The following DNAH9 variants were observed in gnomAD, a reference collection of about 807,000 sequenced individuals.
The protein encoded by DNAH9 is dynein axonemal heavy chain 9, also known as DNAH9 variant protein.
Under a neutral mutation model 471.6 loss-of-function variants are expected in DNAH9, and 345 were observed. The observed-to-expected ratio is 0.73, with a 90% CI of 0.67 to 0.80. The LOEUF (loss-of-function observed/expected upper bound fraction) is 0.80, where lower values mean the gene tolerates loss of function less well. DNAH9 is among the 30% of genes least tolerant of loss of function. The probability of loss-of-function intolerance (pLI) is 0.00; values close to 1 mark genes in which losing one functional copy is unlikely to be tolerated. For synonymous variants in DNAH9, 2,093 were observed against 2,123.6 expected (o/e 0.99, Z 0.40); for missense variants, 5,407 against 5,609.2 (o/e 0.96, Z 1.15).
chr17:11,609,831 G>A (rs1045373359), intron 2 of DNAH9, among the ~76,000 whole-genome samples: 3 of 152,196 alleles, frequency 2.0e-5, no homozygotes, highest in African/African-American at 7.2e-5. Context: ...GTGATCTTCA[G>A]GTGGCTGATT....
In DNAH9 at chr17:11,623,656, T is replaced by C. The variant is rs1327245237; in HGVS notation, c.1350+3875T>C. ...GTGTATCTCTGTGATCGATGCCTGA[T>C]TGAAATGGGATTAATCTGCTCCTCT... On this transcript the variant is annotated intron_variant, in intron 6 of 68. Coordinates refer to ENST00000262442, the MANE Select transcript of DNAH9 (RefSeq NM_001372.4). The surrounding 1 kb of genome is among the most constrained non-coding windows in gnomAD (Gnocchi z 4.1). 6.6e-6 allele frequency among the ~76,000 whole-genome samples: 1 copy of C among 152,184 alleles called. No homozygotes were observed. Among genetic ancestry groups the C allele is most frequent in the Non-Finnish European group, 1.5e-5 (1 of 68,032 alleles).
At chr17:11,945,049 C>A (rs1241563749) in intron 67 of DNAH9, among the ~76,000 whole-genome samples, 1 of 152,148 alleles carries the variant, frequency 6.6e-6, no homozygotes, top group South Asian at 2.1e-4. Context: ...GCAGAGTGGT[C>A]TGGCCTGTGA....
chr17:11,897,230 T>C (rs1164485606), intron 59 of DNAH9, among the ~76,000 whole-genome samples: 1 of 152,246 alleles, frequency 6.6e-6, no homozygotes, highest in East Asian at 1.9e-4. Flanking sequence ...CTGGTGAATA[T>C]TTTTTAAACT....
At chr17:11,720,402 C>T (rs555809051) in intron 27 of DNAH9, among the ~76,000 whole-genome samples, 2 of 152,038 alleles carry the variant, frequency 1.3e-5, no homozygotes, top group Non-Finnish European at 2.9e-5. Flanking sequence ...TCCCCGCTTC[C>T]CCCACCCCAC....
chr17:11,770,812 T>C (rs1968177332), intron 38 of DNAH9, among the ~76,000 whole-genome samples: 1 of 152,214 alleles, frequency 6.6e-6, no homozygotes, highest in Non-Finnish European at 1.5e-5. Flanking sequence ...ATCTGTATTA[T>C]TAACATTTTC....
intron 17 of DNAH9, among the ~76,000 whole-genome samples, chr17:11,671,992 T>C (rs892874624): frequency 4.6e-5 from 7 of 152,220 alleles, no homozygotes; most frequent in African/African-American, 1.7e-4. Flanking sequence ...AGAAACTGGC[T>C]ATTGTGTTAC....
At position 11,742,312 on chromosome 17, in the gene DNAH9, A is replaced by T; in HGVS notation, c.6110A>T (p.Gln2037Leu). ...YQLCKELLSK[Q>L]DHYDWGLRAI... ...TTGTGCAAAGAGCTTCTCTCCAAAC[A>T]GGTAGGATCTCTAGGGAGGCTGTAC... The change falls in exon 30 of 69, where the codon CAG becomes CTG. Residue 2037 changes from glutamine to leucine, a missense_variant and splice_region_variant. Physicochemically the swap from Gln to Leu is moderately radical, Grantham distance 113. Around this residue, in one of 3 missense-constraint regions of DNAH9, gnomAD observed 4,636 missense variants for 4,900.3 expected, o/e 0.95. Transcript: ENST00000262442. 1 of 1,614,112 alleles carries T rather than the reference A, an allele frequency of 6.2e-7. No homozygotes were observed. Among genetic ancestry groups the T allele is most frequent in the Non-Finnish European group, 8.5e-7 (1 of 1,179,984 alleles).
intron 8 of DNAH9, among the ~76,000 whole-genome samples, chr17:11,635,943 C>G (rs1032786035): frequency 6.6e-6 from 1 of 152,102 alleles, no homozygotes; most frequent in Non-Finnish European, 1.5e-5. Flanking sequence ...GCTTCTTTTT[C>G]TTTTCCATCA....
At chr17:11,803,472 CAGCT>C (rs1969548292) in intron 43 of DNAH9, among the ~76,000 whole-genome samples, 3 of 152,176 alleles carry the variant, frequency 2.0e-5, no homozygotes, top group Non-Finnish European at 4.4e-5. Flanking sequence ...GGTGCATCTT[CAGCT>C]TTTGTTTTTA....
chr17:11,655,369 TG>T (rs2073619372), intron 14 of DNAH9, among the ~76,000 whole-genome samples: 2 of 151,150 alleles, frequency 1.3e-5, no homozygotes, highest in Non-Finnish European at 2.9e-5. Flanking sequence ...TGTGTGTGTG[TG>T]TGTGTGTGTG....
At chr17:11,729,783 G>T (rs2075225879) in intron 28 of DNAH9, among the ~76,000 whole-genome samples, 2 of 152,156 alleles carry the variant, frequency 1.3e-5, no homozygotes, top group South Asian at 4.1e-4. Context: ...ATCCACATAG[G>T]TCTCACATGT....
chr17:11,811,386 T>A (rs2150928676), intron 45 of DNAH9, among the ~76,000 whole-genome samples: 1 of 152,166 alleles, frequency 6.6e-6, no homozygotes, highest in African/African-American at 2.4e-5. Flanking sequence ...GTATGCTGGA[T>A]CCCATCCTCT....
intron 6 of DNAH9, among the ~76,000 whole-genome samples, chr17:11,620,531 A>G: frequency 7.0e-6 from 1 of 142,260 alleles, no homozygotes; most frequent in African/African-American, 2.6e-5. Context: ...AAAAAAAAAG[A>G]AGTTTTAATA....
intron 49 of DNAH9, among the ~76,000 whole-genome samples, chr17:11,839,533 A>G (rs1224395839): frequency 2.0e-5 from 3 of 151,828 alleles, no homozygotes; most frequent in Admixed American, 6.6e-5. Flanking sequence ...AAAAAAAGAA[A>G]ATAACTCAAA....
At chr17:11,958,808 C>T (rs993919436) in intron 67 of DNAH9, among the ~76,000 whole-genome samples, 17 of 151,690 alleles carry the variant, frequency 1.1e-4, no homozygotes, top group Non-Finnish European at 1.8e-4. Context: ...ACAGAATTAA[C>T]GTGACACCAA....
At chr17:11,709,674 C>T (rs1195348822) in intron 26 of DNAH9, among the ~76,000 whole-genome samples, 1 of 152,152 alleles carries the variant, frequency 6.6e-6, no homozygotes, top group Non-Finnish European at 1.5e-5. Context: ...GATTTCGGCA[C>T]CACACTAAGT....
chr17:11,900,614 G>T (rs1488822274), intron 59 of DNAH9, among the ~76,000 whole-genome samples: 8 of 151,852 alleles, frequency 5.3e-5, no homozygotes, highest in Non-Finnish European at 8.8e-5. Flanking sequence ...AGCTAGGACT[G>T]CAGGCTCCTG....
intron 38 of DNAH9, among the ~76,000 whole-genome samples, chr17:11,771,726 C>A (rs1185567241): frequency 1.3e-5 from 2 of 152,150 alleles, no homozygotes; most frequent in Non-Finnish European, 2.9e-5. Context: ...AACAACTGAT[C>A]AGATTACCAG....
At position 11,728,103 on chromosome 17, in the gene DNAH9, C is replaced by T. The variant is rs890396144; in HGVS notation, c.5814+181C>T. 8.6e-6 allele frequency: 5 copies of T among 584,086 alleles called. No homozygotes were observed. In the African/African-American group the frequency reaches 9.3e-5, roughly 11 times the overall value. The allele number at this position is 584,086 out of a possible 1,614,324, so 36.2% of individuals were successfully genotyped here. A position where few individuals can be genotyped will look rare whatever the true frequency, so the allele number is the denominator to read the frequency against. ...GAAGCTGTCCTCCAAAATGGGTATC[C>T]TTCTGTTACCCACCAAAGTAGAACC... is the stretch of plus-strand genomic sequence containing the variant. On this transcript the variant is annotated intron_variant, in intron 28 of 68. Coordinates refer to ENST00000262442, the MANE Select transcript of DNAH9 (RefSeq NM_001372.4).
Sources: allele counts gnomAD v4.1 joint callset (sites outside exome capture counted in the v4.1 genomes callset), GRCh38; gene constraint gnomAD v4.1.1; regional missense constraint gnomAD v4.1.1; non-coding constraint Gnocchi (gnomAD v3.1); transcripts MANE v1.5; gene names NCBI Gene and HGNC (gene_info 2026-07-23, HGNC 2026-07-21).